Variants in GDPD4 observed in about 807,000 individuals in gnomAD.
GDPD4 encodes glycerophosphodiester phosphodiesterase 6.
GDPD4 carries 60 observed loss-of-function variants against 67.8 expected under a neutral mutation model. That is an observed-to-expected ratio of 0.88 (90% CI 0.72 to 1.10). The LOEUF (loss-of-function observed/expected upper bound fraction) is 1.10, where lower values mean the gene tolerates loss of function less well. GDPD4 is among the 50% of genes least tolerant of loss of function. The pLI, the probability that GDPD4 is intolerant of heterozygous loss-of-function variation, is 0.00. For missense variants in GDPD4, 623 were observed against 613.9 expected (o/e 1.01, Z -0.16); for synonymous variants, 212 against 210.9 (o/e 1.00, Z -0.04).
At position 77,271,248 on chromosome 11, in the gene GDPD4, T is replaced by C. The variant is rs770944194; in HGVS notation, c.307-25A>G. ...TCTGTGAGAAAGCCAAAAGTCAGGCTGGATACATCTAGACAGCTAGTGCTG... is the reference window on the plus strand; with the variant it reads ...TCTGTGAGAAAGCCAAAAGTCAGGCCGGATACATCTAGACAGCTAGTGCTG... On this transcript the variant is annotated intron_variant, in intron 6 of 16. Coordinates refer to ENST00000315938, the MANE Select transcript of GDPD4 (RefSeq NM_182833.3). 8.7e-6 allele frequency: 14 copies of C among 1,608,630 alleles called. No homozygotes were observed. The African/African-American group carries it at 1.9e-4, about 22-fold the overall frequency.
intron 11 of GDPD4, among the ~76,000 whole-genome samples, chr11:77,254,071 C>G (rs1305416789): frequency 6.6e-6 from 1 of 152,132 alleles, no homozygotes. Flanking sequence ...ACCTCTGGAG[C>G]AAGATGTGAG....
chr11:77,251,013 C>T (rs1021368472), intron 11 of GDPD4, among the ~76,000 whole-genome samples: 6 of 152,096 alleles, frequency 3.9e-5, no homozygotes, highest in African/African-American at 1.4e-4. Context: ...ATATCTATCC[C>T]TTCACTTTCT....
At chr11:77,228,854 G>A (rs1031138604) in intron 15 of GDPD4, among the ~76,000 whole-genome samples, 1 of 152,186 alleles carries the variant, frequency 6.6e-6, no homozygotes, top group African/African-American at 2.4e-5. Flanking sequence ...GAAGGTGGAG[G>A]CACTTGTTCT....
At chr11:77,293,425 A>G (rs1225633015) in intron 1 of GDPD4, among the ~76,000 whole-genome samples, 2 of 151,776 alleles carry the variant, frequency 1.3e-5, no homozygotes, top group East Asian at 3.9e-4. Context: ...CAAATCCTGT[A>G]TCCACAAAAA....
At chr11:77,286,831 C>G (rs1400193503) in intron 2 of GDPD4, 1 of 152,158 alleles carries the variant, frequency 6.6e-6, no homozygotes, top group African/African-American at 2.4e-5. Flanking sequence ...GTTTTTTTCT[C>G]CTGCGAAGAG....
chr11:77,296,845 G>C (rs893948371), intron 1 of GDPD4, among the ~76,000 whole-genome samples: 3 of 151,088 alleles, frequency 2.0e-5, no homozygotes, highest in Admixed American at 6.6e-5. Flanking sequence ...AGATCACAAG[G>C]TCAGGAGTTC....
At chr11:77,299,448 A>G (rs1938088200) in intron 1 of GDPD4, among the ~76,000 whole-genome samples, 1 of 152,240 alleles carries the variant, frequency 6.6e-6, no homozygotes, top group Admixed American at 6.5e-5. Flanking sequence ...ATAGAAAATA[A>G]AACATTATAT....
At chr11:77,233,217 T>G in intron 13 of GDPD4, 45 bp from the exon 14 acceptor site, 2 of 1,588,588 alleles carry the variant, frequency 1.3e-6, no homozygotes, top group Non-Finnish European at 1.7e-6. Flanking sequence ...TCAAGTTTCA[T>G]TCTCATCATC....
At chr11:77,279,424 TTAAAA>T in intron 3 of GDPD4, 25 bp from the exon 4 acceptor site, 1 of 1,423,600 alleles carries the variant, frequency 7.0e-7, no homozygotes. Context: ...GTTTCAGTTC[TTAAAA>T]TAATGCAGAA....
chr11:77,265,286 C>T (rs1217212433), intron 10 of GDPD4, among the ~76,000 whole-genome samples: 1 of 152,078 alleles, frequency 6.6e-6, no homozygotes, highest in Non-Finnish European at 1.5e-5. Context: ...CCTTTTGATC[C>T]TCTAGAGCAG....
intron 14 of GDPD4, among the ~76,000 whole-genome samples, chr11:77,232,701 A>C (rs147825158): frequency 6.6e-6 from 1 of 152,340 alleles, no homozygotes; most frequent in East Asian, 1.9e-4. Flanking sequence ...ATCCTGCCTC[A>C]TGAAACCACA....
At chr11:77,294,449 G>A (rs1245240970) in intron 1 of GDPD4, among the ~76,000 whole-genome samples, 1 of 152,070 alleles carries the variant, frequency 6.6e-6, no homozygotes, top group African/African-American at 2.4e-5. Flanking sequence ...AAAACTATAA[G>A]ATACTTGATG....
intron 10 of GDPD4, among the ~76,000 whole-genome samples, chr11:77,261,075 A>T (rs961940601): frequency 6.6e-6 from 1 of 152,186 alleles, no homozygotes; most frequent in Non-Finnish European, 1.5e-5. Context: ...TCTCCAAACT[A>T]ATGTCTTCAA....
intron 1 of GDPD4, among the ~76,000 whole-genome samples, chr11:77,300,152 C>T (rs149742327): frequency 6.4e-4 from 98 of 152,240 alleles, no homozygotes; most frequent in African/African-American, 2.2e-3. Context: ...TCTGCCCTGA[C>T]TCATCCTGAT....
chr11:77,271,082 A>G, intron 7 of GDPD4, 48 bp downstream of exon 7: 2 of 1,335,286 alleles, frequency 1.5e-6, no homozygotes, highest in Non-Finnish European at 2.1e-6. Flanking sequence ...TATGCAAGCT[A>G]AAGCCAGAGC....
intron 10 of GDPD4, among the ~76,000 whole-genome samples, chr11:77,262,652 C>G (rs1959141047): frequency 6.6e-6 from 1 of 152,044 alleles, no homozygotes; most frequent in Non-Finnish European, 1.5e-5. Flanking sequence ...CACAGAGGAA[C>G]AGAATCAGCA....
At chr11:77,251,801 A>C (rs1254221878) in intron 11 of GDPD4, among the ~76,000 whole-genome samples, 1 of 151,936 alleles carries the variant, frequency 6.6e-6, no homozygotes, top group Non-Finnish European at 1.5e-5. Context: ...ATGGCTTTCC[A>C]ACTCTTTCCC....
rs192797325 is a variant in GDPD4, at chr11:77,277,573, T to G, written c.148-1353A>C. Among the ~76,000 whole-genome samples, 683 of 151,780 alleles carry G rather than the reference T, an allele frequency of 4.5e-3. 8 individuals are homozygous for G. Among genetic ancestry groups the G allele is most frequent in the African/African-American group, 0.015 (638 of 41,446 alleles). On this transcript the variant is annotated intron_variant, in intron 4 of 16. Coordinates refer to ENST00000315938, the MANE Select transcript of GDPD4 (RefSeq NM_182833.3). ...GCCCGCCACCACGCCTGGCTAATTTTTTTTTATATTTTTAGTAGAGACGGG... is the reference window on the plus strand; with the variant it reads ...GCCCGCCACCACGCCTGGCTAATTTGTTTTTATATTTTTAGTAGAGACGGG...
intron 1 of GDPD4, among the ~76,000 whole-genome samples, chr11:77,297,254 T>C (rs920944790): frequency 2.6e-5 from 4 of 151,290 alleles, no homozygotes; most frequent in South Asian, 2.1e-4. Context: ...ATTTAAAAAG[T>C]AGATGCTCTG....
Sources: gnomAD v4.1 joint callset for allele counts (sites outside exome capture counted in the v4.1 genomes callset) on GRCh38, gnomAD v4.1.1 for gene constraint, MANE v1.5 for transcripts, NCBI Gene and HGNC (gene_info 2026-07-23, HGNC 2026-07-21) for gene names.